Variants in SDK1 observed in about 807,000 individuals in gnomAD.
SDK1 encodes the protein sidekick cell adhesion molecule 1, also known as protein sidekick-1.
In SDK1, 157 loss-of-function variants were observed where a neutral mutation model predicts 245.5. The ratio of observed to expected loss-of-function variants is 0.64; its 90% CI spans 0.56 to 0.73. The LOEUF (loss-of-function observed/expected upper bound fraction) is 0.73. SDK1 is among the 30% of genes least tolerant of loss of function. The pLI, the probability that SDK1 is intolerant of heterozygous loss-of-function variation, is 0.00. For synonymous variants in SDK1, 1,647 were observed against 1,278.5 expected (o/e 1.29, Z -6.15); for missense variants, 3,583 against 3,002.3 (o/e 1.19, Z -4.52).
At chr7:3,425,537 C>G (rs891376294) in intron 1 of SDK1, among the ~76,000 whole-genome samples, 1 of 152,144 alleles carries the variant, frequency 6.6e-6, no homozygotes, top group African/African-American at 2.4e-5. Flanking sequence ...CTAGACTTCT[C>G]ACAGACCTCG....
chr7:3,621,588 A>G (rs561857144), intron 2 of SDK1, among the ~76,000 whole-genome samples: 2 of 152,176 alleles, frequency 1.3e-5, no homozygotes, highest in Non-Finnish European at 2.9e-5. Context: ...CAGTTTCCAC[A>G]TGGATGTTTT....
At chr7:3,923,597 C>G (rs1779667286) in intron 5 of SDK1, among the ~76,000 whole-genome samples, 1 of 152,196 alleles carries the variant, frequency 6.6e-6, no homozygotes, top group South Asian at 2.1e-4. Flanking sequence ...GGTATGGGGC[C>G]TGGGAATGTG....
intron 1 of SDK1, among the ~76,000 whole-genome samples, chr7:3,474,586 C>T (rs201952787): frequency 2.6e-5 from 4 of 152,234 alleles, no homozygotes; most frequent in African/African-American, 7.2e-5. Flanking sequence ...TACCTGTTAC[C>T]GTCTTGCCAC....
chr7:3,463,897 C>G (rs747188337), intron 1 of SDK1, among the ~76,000 whole-genome samples: 18 of 152,178 alleles, frequency 1.2e-4, no homozygotes, highest in Non-Finnish European at 1.9e-4. Flanking sequence ...ATAAGGGCCC[C>G]AAAGTTCTTT....
chr7:4,175,864 C>A, intron 34 of SDK1, 30 bp downstream of exon 34: 3 of 1,593,658 alleles, frequency 1.9e-6, no homozygotes, highest in Non-Finnish European at 2.6e-6. Flanking sequence ...GAGGCCCATG[C>A]CGCGAGGCGC....
At position 3,913,208 on chromosome 7, in the gene SDK1, G is replaced by A. The variant is rs927146902; in HGVS notation, c.848-37715G>A. Among the ~76,000 whole-genome samples the A allele has an allele frequency of 5.3e-5, 8 of 152,022 alleles. No individual in the cohort carries two copies. In the South Asian group the frequency reaches 8.3e-4, roughly 16 times the overall value. On this transcript the variant is annotated intron_variant, in intron 5 of 44. Transcript: ENST00000404826. Reference sequence around the variant, plus strand: ...CTCCAGCTCCTGGCTCGCGCTAAGCGTACCTGGTTCTCTAGATGGCTCCCG... The same window carrying A: ...CTCCAGCTCCTGGCTCGCGCTAAGCATACCTGGTTCTCTAGATGGCTCCCG...
intron 24 of SDK1, 147 bp from the exon 25 acceptor site, chr7:4,113,890 A>T (rs1009087053): frequency 1.6e-6 from 1 of 628,154 alleles, no homozygotes; most frequent in African/African-American, 1.8e-5. Flanking sequence ...AGTTTCAGGG[A>T]AGAATAAAGT....
At chr7:4,095,101 G>A (rs1028183152) in intron 22 of SDK1, among the ~76,000 whole-genome samples, 4 of 152,114 alleles carry the variant, frequency 2.6e-5, no homozygotes, top group Admixed American at 1.3e-4. Context: ...TCCATCCTCA[G>A]CTCCTCCATA....
intron 7 of SDK1, among the ~76,000 whole-genome samples, chr7:3,953,380 G>A (rs958776786): frequency 5.9e-5 from 9 of 152,196 alleles, no homozygotes; most frequent in Non-Finnish European, 1.3e-4. Context: ...CAAGGAAGCC[G>A]GCTTTGAGTC....
chr7:3,697,181 T>G (rs1385961753), intron 4 of SDK1, among the ~76,000 whole-genome samples: 1 of 152,206 alleles, frequency 6.6e-6, no homozygotes, highest in Non-Finnish European at 1.5e-5. Flanking sequence ...TTTGTTTATC[T>G]TACTTTTGGA....
At position 4,080,256 on chromosome 7, in the gene SDK1, C is replaced by T. The variant is rs993511249; in HGVS notation, c.3324+672C>T. On this transcript the variant is annotated intron_variant, in intron 22 of 44. Coordinates refer to ENST00000404826, the MANE Select transcript of SDK1 (RefSeq NM_152744.4). ...GGACTCCGCCGAGAGACTTCCGGTC[C>T]GACTCCAGCTGTGCAAGTGCTGGAG... Among the ~76,000 whole-genome samples the T allele has an allele frequency of 3.9e-5, 6 of 152,110 alleles. No individual in the cohort carries two copies. In the East Asian group the frequency reaches 5.8e-4, roughly 15 times the overall value.
Position 4,266,040 on chromosome 7 carries a change from TG to T in SDK1, c.*658del. On this transcript the variant is annotated 3_prime_UTR_variant, in exon 45 of 45. Coordinates refer to ENST00000404826, the MANE Select transcript of SDK1 (RefSeq NM_152744.4). ...GCCGTCACTGTCTGTGTCACTGCAGTGGTGCGGTCCTCAGGCTTTTCTGCCT... is the reference window on the plus strand; with the variant it reads ...GCCGTCACTGTCTGTGTCACTGCAGTGTGCGGTCCTCAGGCTTTTCTGCCT... 2 of 985,446 alleles carry T rather than the reference TG, an allele frequency of 2.0e-6. No homozygotes were observed. The highest frequency in any genetic ancestry group is 2.4e-6 in the Non-Finnish European group (2 of 829,930). 61.0% of individuals were successfully genotyped at this position (985,446 alleles called of 1,614,324 possible).
intron 14 of SDK1, among the ~76,000 whole-genome samples, chr7:3,993,187 A>G (rs966989649): frequency 2.0e-5 from 3 of 152,236 alleles, no homozygotes; most frequent in Non-Finnish European, 4.4e-5. Context: ...TTAATGCAAC[A>G]GTTGCCACCA....
chr7:3,727,473 C>T (rs2115036879), intron 4 of SDK1, among the ~76,000 whole-genome samples: 1 of 152,256 alleles, frequency 6.6e-6, no homozygotes, highest in South Asian at 2.1e-4. Flanking sequence ...GCTCTGCCAT[C>T]CTCTTTTTGC....
chr7:3,952,936 A>G (rs1300145162), intron 7 of SDK1, among the ~76,000 whole-genome samples: 3 of 152,190 alleles, frequency 2.0e-5, no homozygotes, highest in Non-Finnish European at 1.5e-5. Flanking sequence ...AGCTACTGTC[A>G]TGCATTTATT....
At chr7:4,217,521 GGAGCACCACA>G (rs1784897008) in intron 38 of SDK1, among the ~76,000 whole-genome samples, 3 of 131,288 alleles carry the variant, frequency 2.3e-5, no homozygotes, top group Admixed American at 7.7e-5. Flanking sequence ...CACACCACCC[GGAGCACCACA>G]CCACCCGGAG....
chr7:3,905,006 A>AT (rs1778843585), intron 5 of SDK1, among the ~76,000 whole-genome samples: 3 of 150,778 alleles, frequency 2.0e-5, no homozygotes, highest in Non-Finnish European at 2.9e-5. Flanking sequence ...AAAAAAAAAA[A>AT]AAATAATAAT....
At position 3,710,715 on chromosome 7, in the gene SDK1, G is replaced by A. The variant is rs1369431562; in HGVS notation, c.713+68610G>A. The stretch of plus-strand genomic sequence containing the variant: ...ATCACTTGACCTAAAGGGGCTCCTG[G>A]ATGATTGGGAAACCAGCAGAGAGGC... On this transcript the variant is annotated intron_variant, in intron 4 of 44. Transcript: ENST00000404826. Among the ~76,000 whole-genome samples the A allele has an allele frequency of 4.6e-5, 7 of 152,218 alleles. No individual in the cohort carries two copies. The East Asian group carries it at 1.2e-3, about 25-fold the overall frequency.
chr7:4,141,899 G>A (rs1481471036), intron 28 of SDK1, among the ~76,000 whole-genome samples: 1 of 151,934 alleles, frequency 6.6e-6, no homozygotes, highest in African/African-American at 2.4e-5. Flanking sequence ...TGGCATTACA[G>A]GCACCTGCCA....
Sources: allele counts gnomAD v4.1 joint callset (sites outside exome capture counted in the v4.1 genomes callset), GRCh38; gene constraint gnomAD v4.1.1; transcripts MANE v1.5; gene names NCBI Gene and HGNC (gene_info 2026-07-23, HGNC 2026-07-21).